XKR6: variants seen among roughly 807,000 people sequenced by gnomAD.
XKR6 encodes the protein XK-related protein 6.
XKR6 carries 22 observed loss-of-function variants against 56.7 expected under a neutral mutation model. The ratio of observed to expected loss-of-function variants is 0.39; its 90% CI spans 0.28 to 0.55. XKR6 has a LOEUF of 0.55. Ranked by LOEUF, XKR6 falls within the 20% of genes least tolerant of loss-of-function variation. The probability of loss-of-function intolerance (pLI) is 0.66; values close to 1 mark genes in which losing one functional copy is unlikely to be tolerated. For synonymous variants in XKR6, 524 were observed against 387.8 expected (o/e 1.35, Z -4.13); for missense variants, 852 against 889.0 (o/e 0.96, Z 0.53).
intron 1 of XKR6, among the ~76,000 whole-genome samples, chr8:11,196,202 T>A (rs1381873552): frequency 6.6e-6 from 1 of 152,164 alleles, no homozygotes; most frequent in Non-Finnish European, 1.5e-5. Flanking sequence ...ACAGATCACT[T>A]ATCCCAACAC....
At chr8:10,973,851 T>G (rs1195256519) in intron 1 of XKR6, among the ~76,000 whole-genome samples, 7 of 152,208 alleles carry the variant, frequency 4.6e-5, no homozygotes, top group African/African-American at 1.7e-4. Context: ...TCTCAAAGTG[T>G]TGGAATTACA....
intron 1 of XKR6, among the ~76,000 whole-genome samples, chr8:11,036,211 G>A (rs1283932758): frequency 6.6e-6 from 1 of 152,138 alleles, no homozygotes; most frequent in African/African-American, 2.4e-5. Flanking sequence ...GTCTCCCAAA[G>A]TGCTAAGATC....
At chr8:10,944,946 G>A (rs1043380693) in intron 1 of XKR6, among the ~76,000 whole-genome samples, 14 of 152,236 alleles carry the variant, frequency 9.2e-5, no homozygotes, top group African/African-American at 3.1e-4. Context: ...CAGGGGACAT[G>A]GCAGAGGAAA....
intron 1 of XKR6, among the ~76,000 whole-genome samples, chr8:11,065,724 T>C (rs1799960343): frequency 2.0e-5 from 3 of 152,108 alleles, no homozygotes. Context: ...TAAAGTCCGG[T>C]CTCTTCCGGA....
intron 1 of XKR6, chr8:11,195,283 C>A (rs1264364220): frequency 3.1e-6 from 2 of 643,548 alleles, no homozygotes; most frequent in African/African-American, 1.8e-5. Flanking sequence ...TATGTTTACA[C>A]CTTTCATTCT....
At chr8:11,195,110 T>G in intron 1 of XKR6, 2 of 703,084 alleles carry the variant, frequency 2.8e-6, no homozygotes, top group South Asian at 3.0e-5. Flanking sequence ...TAAGCAAGTA[T>G]TTCTGGATTT....
chr8:10,912,790 G>A (rs1010195594), intron 2 of XKR6, among the ~76,000 whole-genome samples: 1 of 147,986 alleles, frequency 6.8e-6, no homozygotes, highest in African/African-American at 2.5e-5. Flanking sequence ...GTGTATGTGT[G>A]CATATATATA....
At chr8:10,942,415 G>C (rs1387139339) in intron 1 of XKR6, among the ~76,000 whole-genome samples, 1 of 152,214 alleles carries the variant, frequency 6.6e-6, no homozygotes, top group African/African-American at 2.4e-5. Context: ...CAGCCAGCCT[G>C]GATTGCTGTG....
chr8:10,966,455 C>T lies in XKR6; in HGVS notation c.765-41625G>A, dbSNP rs1049367016. 1.8e-3 allele frequency among the ~76,000 whole-genome samples: 279 copies of T among 152,106 alleles called. 5 individuals carry two copies. The highest frequency in any genetic ancestry group is 4.1e-4 in the Non-Finnish European group (28 of 68,006). ...GAGGCCAAGGCAGGCGGGCGGATCACGAGGTCAGGAGATCGAGACCATCCT... is the reference window on the plus strand; with the variant it reads ...GAGGCCAAGGCAGGCGGGCGGATCATGAGGTCAGGAGATCGAGACCATCCT... On this transcript the variant is annotated intron_variant, in intron 1 of 2. Transcript: ENST00000416569.
chr8:10,903,484 G>C (rs947384115), intron 2 of XKR6, among the ~76,000 whole-genome samples: 3 of 152,136 alleles, frequency 2.0e-5, no homozygotes, highest in Admixed American at 2.0e-4. Flanking sequence ...GAAGGGCCTG[G>C]GGAGGTAGGT....
intron 1 of XKR6, among the ~76,000 whole-genome samples, chr8:11,013,877 C>A (rs1335140309): frequency 6.6e-6 from 1 of 152,226 alleles, no homozygotes; most frequent in Non-Finnish European, 1.5e-5. Flanking sequence ...TGCCTTCCAG[C>A]CCACCTGTAC....
chr8:11,117,006 T>A (rs990156227), intron 1 of XKR6, among the ~76,000 whole-genome samples: 1 of 152,236 alleles, frequency 6.6e-6, no homozygotes, highest in Non-Finnish European at 1.5e-5. Context: ...ACCACTTCAG[T>A]AATATTACAC....
At chr8:10,958,003 A>G (rs1438145846) in intron 1 of XKR6, among the ~76,000 whole-genome samples, 1 of 152,214 alleles carries the variant, frequency 6.6e-6, no homozygotes, top group Non-Finnish European at 1.5e-5. Context: ...ACTGAAAGGA[A>G]AAAGAAACCC....
chr8:11,070,667 A>G (rs1800091896), intron 1 of XKR6, among the ~76,000 whole-genome samples: 1 of 152,228 alleles, frequency 6.6e-6, no homozygotes. Flanking sequence ...GATTCCTCAC[A>G]TTTACATAGC....
chr8:10,937,338 T>A (rs890773402), intron 1 of XKR6, among the ~76,000 whole-genome samples: 27 of 148,276 alleles, frequency 1.8e-4, no homozygotes, highest in Non-Finnish European at 3.6e-4. Context: ...TCTTTGCCTT[T>A]GGTTTGAATG....
At chr8:11,041,762 A>G (rs1277752661) in intron 1 of XKR6, among the ~76,000 whole-genome samples, 1 of 152,236 alleles carries the variant, frequency 6.6e-6, no homozygotes, top group African/African-American at 2.4e-5. Flanking sequence ...CATCTGGCCC[A>G]GGCCAGGATA....
intron 1 of XKR6, among the ~76,000 whole-genome samples, chr8:11,064,786 G>T (rs1049728751): frequency 6.6e-6 from 1 of 152,194 alleles, no homozygotes; most frequent in Non-Finnish European, 1.5e-5. Context: ...GTAGGAAATG[G>T]CAAGGTCCAT....
chr8:11,048,190 C>A (rs1203942518), intron 1 of XKR6, among the ~76,000 whole-genome samples: 1 of 152,190 alleles, frequency 6.6e-6, no homozygotes, highest in Non-Finnish European at 1.5e-5. Flanking sequence ...AGCGCCTAGA[C>A]ACTATGGGGC....
At chr8:11,018,585 A>G (rs888967662) in intron 1 of XKR6, among the ~76,000 whole-genome samples, 6 of 152,238 alleles carry the variant, frequency 3.9e-5, no homozygotes, top group African/African-American at 1.4e-4. Flanking sequence ...GAGAAACTAC[A>G]GGTAATACCA....
Sources: gnomAD v4.1 joint callset for allele counts (sites outside exome capture counted in the v4.1 genomes callset) on GRCh38, gnomAD v4.1.1 for gene constraint, MANE v1.5 for transcripts, NCBI Gene and HGNC (gene_info 2026-07-23, HGNC 2026-07-21) for gene names.